AKT3: variants seen among roughly 807,000 people sequenced by gnomAD.
The protein encoded by AKT3 is RAC-gamma serine/threonine-protein kinase.
A neutral mutation model predicts 65.3 loss-of-function variants in AKT3; 15 were observed. The observed-to-expected ratio is 0.23, with a 90% CI of 0.15 to 0.35. The LOEUF is 0.35. Among genes scored for constraint, AKT3 ranks in the 10% least tolerant of loss-of-function variants. The probability of loss-of-function intolerance (pLI) is 1.00; values close to 1 mark genes in which losing one functional copy is unlikely to be tolerated. For missense variants in AKT3, 243 were observed against 576.5 expected, an observed-to-expected ratio of 0.42 and a Z score of 5.92; for synonymous variants, 206 against 183.8, an observed-to-expected ratio of 1.12 and a Z score of -0.98.
chr1:243,523,155 C>A (rs1670827315), intron 12 of AKT3, among the ~76,000 whole-genome samples: 1 of 152,024 alleles, frequency 6.6e-6, no homozygotes, highest in African/African-American at 2.4e-5. Flanking sequence ...AGCTACTATG[C>A]CCAGGTGCTG....
chr1:243,539,757 A>G (rs1260772990), intron 12 of AKT3, among the ~76,000 whole-genome samples: 3 of 152,218 alleles, frequency 2.0e-5, no homozygotes, highest in Non-Finnish European at 4.4e-5. Flanking sequence ...AGGAATCACA[A>G]GGGGAATTAA....
rs574141642 is a variant in AKT3 at position 243,637,796 on chromosome 1, G to C, written c.430-54C>G. On this transcript the variant is annotated intron_variant, in intron 5 of 13. Coordinates refer to ENST00000673466, the MANE Select transcript of AKT3 (RefSeq NM_005465.7). ...ATGAAGTATTTGATGCAATTTATTT[G>C]TTAGCATATATATATGTGTTTGCAA... is the stretch of plus-strand genomic sequence containing the variant. 16 of 1,310,606 alleles carry C rather than the reference G, an allele frequency of 1.2e-5. No homozygotes were observed. In the African/African-American group the frequency reaches 2.4e-4, roughly 20 times the overall value. The allele number at this position is 1,310,606 out of a possible 1,614,324, so 81.2% of individuals were successfully genotyped here. A position where few individuals can be genotyped will look rare whatever the true frequency, so the allele number is the denominator to read the frequency against.
chr1:243,629,792 C>CAAAAAT (rs1679465489), intron 6 of AKT3, among the ~76,000 whole-genome samples: 1 of 151,560 alleles, frequency 6.6e-6, no homozygotes, highest in Non-Finnish European at 1.5e-5. Flanking sequence ...ACTTTGTCTC[C>CAAAAAT]AAAAATAAAA....
chr1:243,667,447 G>T (rs1682871224), intron 3 of AKT3, among the ~76,000 whole-genome samples: 1 of 151,958 alleles, frequency 6.6e-6, no homozygotes, highest in Non-Finnish European at 1.5e-5. Context: ...GAAAACCCAA[G>T]AATTCCCTTG....
At chr1:243,659,585 C>T (rs1449349930) in intron 4 of AKT3, among the ~76,000 whole-genome samples, 1 of 151,992 alleles carries the variant, frequency 6.6e-6, no homozygotes, top group Non-Finnish European at 1.5e-5. Context: ...GAAAAAAAGA[C>T]TAAATCCTAA....
At chr1:243,832,161 A>G (rs1422097425) in intron 2 of AKT3, among the ~76,000 whole-genome samples, 3 of 80,360 alleles carry the variant, frequency 3.7e-5, no homozygotes, top group Admixed American at 1.5e-4. Flanking sequence ...AAAAAAAAAA[A>G]AAAGACTAGA....
chr1:243,643,600 C>T (rs1017218009), intron 5 of AKT3, among the ~76,000 whole-genome samples: 4 of 152,182 alleles, frequency 2.6e-5, no homozygotes, highest in African/African-American at 4.8e-5. Context: ...TGCCTCTTTA[C>T]ACCCAACATC....
intron 8 of AKT3, among the ~76,000 whole-genome samples, chr1:243,587,715 G>A (rs1157458876): frequency 1.3e-5 from 2 of 151,986 alleles, no homozygotes; most frequent in Non-Finnish European, 2.9e-5. Flanking sequence ...ATGTGAAAAC[G>A]GCCTTCCAAC....
chr1:243,790,325 A>G (rs1358830767), intron 2 of AKT3, among the ~76,000 whole-genome samples: 1 of 152,236 alleles, frequency 6.6e-6, no homozygotes, highest in Non-Finnish European at 1.5e-5. Context: ...CAGCTTCTAC[A>G]TCAACATTGA....
intron 5 of AKT3, among the ~76,000 whole-genome samples, chr1:243,645,001 C>A (rs1680697196): frequency 6.6e-6 from 1 of 152,082 alleles, no homozygotes. Flanking sequence ...GAATATTATT[C>A]TTATTCACAT....
intron 2 of AKT3, among the ~76,000 whole-genome samples, chr1:243,785,731 T>C (rs956514577): frequency 7.2e-5 from 11 of 152,230 alleles, no homozygotes; most frequent in African/African-American, 2.7e-4. Context: ...CCATGCCAGC[T>C]GCACTGCCAG....
intron 3 of AKT3, among the ~76,000 whole-genome samples, chr1:243,678,463 A>G (rs1048779811): frequency 6.6e-6 from 1 of 152,218 alleles, no homozygotes; most frequent in African/African-American, 2.4e-5. Context: ...AATTTAAATC[A>G]GTAGGAAAAT....
intron 2 of AKT3, among the ~76,000 whole-genome samples, chr1:243,750,480 C>T (rs1000416629): frequency 2.6e-5 from 4 of 151,910 alleles, no homozygotes; most frequent in African/African-American, 4.8e-5. Flanking sequence ...AAGCTCAATG[C>T]CTTTGTCCTC....
intron 12 of AKT3, among the ~76,000 whole-genome samples, chr1:243,535,831 T>A (rs1385282845): frequency 6.6e-6 from 1 of 152,204 alleles, no homozygotes; most frequent in Non-Finnish European, 1.5e-5. Flanking sequence ...CTAATTTACA[T>A]TCCCACCAAC....
chr1:243,489,056 G>A lies in AKT3; in HGVS notation c.*7-606C>T, dbSNP rs1462112522. ...AGCACAGCCAGGCCACAGCCCAGCA[G>A]CTGGTGCAGCTCCTCAGCAAGCAGA... is the stretch of plus-strand genomic sequence containing the variant. On this transcript the variant is annotated intron_variant, in intron 13 of 13. Coordinates refer to the AKT3 transcript ENST00000336199. 1.2e-6 allele frequency: 2 copies of A among 1,613,328 alleles called. No homozygotes were observed. Among genetic ancestry groups the A allele is most frequent in the Non-Finnish European group, 1.7e-6 (2 of 1,180,048 alleles).
At chr1:243,668,940 G>A (rs1406096131) in intron 3 of AKT3, among the ~76,000 whole-genome samples, 1 of 152,124 alleles carries the variant, frequency 6.6e-6, no homozygotes, top group Non-Finnish European at 1.5e-5. Context: ...TTGTATAGCA[G>A]CATGACATTT....
At chr1:243,720,041 G>A (rs575632018) in intron 2 of AKT3, among the ~76,000 whole-genome samples, 7 of 152,256 alleles carry the variant, frequency 4.6e-5, no homozygotes, top group South Asian at 2.1e-4. Flanking sequence ...GGCCGGGCGC[G>A]GTGCCTCACA....
chr1:243,728,416 G>T (rs978455272), intron 2 of AKT3, among the ~76,000 whole-genome samples: 20 of 152,156 alleles, frequency 1.3e-4, no homozygotes, highest in African/African-American at 4.6e-4. Flanking sequence ...AGGTTGTGAG[G>T]GAGACACTTG....
downstream of AKT3, among the ~76,000 whole-genome samples, chr1:243,496,832 G>A (rs1399698298): frequency 1.3e-5 from 2 of 152,268 alleles, no homozygotes; most frequent in African/African-American, 2.4e-5. Context: ...GTGGAGAGAT[G>A]ACTCCGATAG....
Sources: gnomAD v4.1 joint callset for allele counts (sites outside exome capture counted in the v4.1 genomes callset) on GRCh38, gnomAD v4.1.1 for gene constraint, MANE v1.5 for transcripts, NCBI Gene and HGNC (gene_info 2026-07-23, HGNC 2026-07-21) for gene names.